MPP7: variants seen among roughly 807,000 people sequenced by gnomAD.
The protein encoded by MPP7 is MAGUK p55 scaffold protein 7.
MPP7 carries 60 observed loss-of-function variants against 76.5 expected under a neutral mutation model. That is an observed-to-expected ratio of 0.78 (90% CI 0.64 to 0.97). MPP7 has a LOEUF of 0.97. Ranked by LOEUF, MPP7 falls within the 50% of genes least tolerant of loss-of-function variation. The probability of loss-of-function intolerance (pLI) is 0.00; values close to 1 mark genes in which losing one functional copy is unlikely to be tolerated. For missense variants in MPP7, 641 were observed against 694.0 expected, an observed-to-expected ratio of 0.92 and a Z score of 0.86; for synonymous variants, 237 against 244.5, an observed-to-expected ratio of 0.97 and a Z score of 0.29.
chr10:28,283,166 CAAAGAAAGAAAGATT>C (rs1564756386), intron 1 of MPP7, among the ~76,000 whole-genome samples: 1 of 151,712 alleles, frequency 6.6e-6, no homozygotes, highest in African/African-American at 2.4e-5. Flanking sequence ...GTGAAGGAGC[CAAAGAAAGAAAGATT>C]AAAGATCCAT....
intron 3 of MPP7, among the ~76,000 whole-genome samples, chr10:28,174,332 C>T (rs1836788001): frequency 6.6e-6 from 1 of 152,148 alleles, no homozygotes; most frequent in Non-Finnish European, 1.5e-5. Context: ...GGACAGATCC[C>T]TCGTGAATGG....
At chr10:28,095,772 A>G (rs961380514) in intron 11 of MPP7, among the ~76,000 whole-genome samples, 5 of 152,326 alleles carry the variant, frequency 3.3e-5, no homozygotes, top group Non-Finnish European at 5.9e-5. Context: ...AAAGGGGTAC[A>G]TTAACAAGGA....
intron 5 of MPP7, among the ~76,000 whole-genome samples, chr10:28,144,996 G>A (rs985504533): frequency 6.6e-6 from 1 of 152,022 alleles, no homozygotes; most frequent in African/African-American, 2.4e-5. Flanking sequence ...GAAAGAATTG[G>A]CACACCTCCT....
chr10:28,200,604 A>T (rs1377600634), intron 3 of MPP7, among the ~76,000 whole-genome samples: 1 of 152,186 alleles, frequency 6.6e-6, no homozygotes, highest in Admixed American at 6.5e-5. Flanking sequence ...AATAACAACC[A>T]TCTCTGTAGT....
At chr10:28,107,009 T>G (rs1834347329) in intron 11 of MPP7, among the ~76,000 whole-genome samples, 1 of 152,206 alleles carries the variant, frequency 6.6e-6, no homozygotes, top group Non-Finnish European at 1.5e-5. Flanking sequence ...CATATTTTGT[T>G]CTTTGGACGA....
intron 15 of MPP7, among the ~76,000 whole-genome samples, chr10:28,056,940 C>A (rs1400501602): frequency 6.6e-6 from 1 of 152,156 alleles, no homozygotes; most frequent in Non-Finnish European, 1.5e-5. Flanking sequence ...TTTCTGTCCA[C>A]AAATGTCTTC....
rs545520159 is a variant in MPP7, at chr10:28,140,229, G to A, written c.315+7254C>T. Among the ~76,000 whole-genome samples, 5 of 152,318 alleles carry A rather than the reference G, an allele frequency of 3.3e-5. No individual in the cohort carries two copies. In the East Asian group the frequency reaches 9.6e-4, roughly 29 times the overall value. On this transcript the variant is annotated intron_variant, in intron 5 of 16. Transcript: ENST00000683449. ...AAGATAGATATAAAGAAAAAAATCA[G>A]ACCAGATGCGATGGCTACCGCCTAT...
chr10:28,205,956 G>A (rs1837937000), intron 2 of MPP7, among the ~76,000 whole-genome samples: 1 of 152,154 alleles, frequency 6.6e-6, no homozygotes, highest in Non-Finnish European at 1.5e-5. Context: ...ATATGAAGGT[G>A]AGTCAGTCTT....
intron 2 of MPP7, among the ~76,000 whole-genome samples, chr10:28,311,198 T>A (rs1841287658): frequency 6.6e-6 from 1 of 152,196 alleles, no homozygotes; most frequent in Non-Finnish European, 1.5e-5. Flanking sequence ...ATTATATTTA[T>A]TTTTTTCTAT....
At position 28,051,377 on chromosome 10, in the gene MPP7, T is replaced by C. The variant is rs1851353295; in HGVS notation, c.*2688A>G. 1 of 152,236 alleles carries C rather than the reference T, an allele frequency of 6.6e-6. No individual in the cohort carries two copies. The highest frequency in any genetic ancestry group is 1.9e-4 in the East Asian group (1 of 5,196). The allele number at this position is 152,236 out of a possible 1,614,324, so 9.4% of individuals were successfully genotyped here. The stretch of plus-strand genomic sequence containing the variant: ...TACACAATACCAGGAAGGTCAGCCT[T>C]AAAGATACCAAGAACTTCCATATTG... On this transcript the variant is annotated 3_prime_UTR_variant, in exon 17 of 17. Coordinates refer to ENST00000683449, the MANE Select transcript of MPP7 (RefSeq NM_001318170.2).
intron 1 of MPP7, among the ~76,000 whole-genome samples, chr10:28,262,243 ACATATATATATATATG>A (rs1840004000): frequency 4.6e-5 from 3 of 65,824 alleles, no homozygotes; most frequent in Admixed American, 2.0e-4. Flanking sequence ...ATATATATAT[ACATATATATATATATG>A]TATATATATA....
At chr10:28,328,018 G>A (rs1271019231) in intron 2 of MPP7, among the ~76,000 whole-genome samples, 2 of 152,144 alleles carry the variant, frequency 1.3e-5, no homozygotes, top group Admixed American at 1.3e-4. Context: ...CAGCAAAGAC[G>A]TTTTTGTCCT....
intron 2 of MPP7, among the ~76,000 whole-genome samples, chr10:28,213,191 T>C (rs1211047748): frequency 2.0e-5 from 3 of 152,086 alleles, no homozygotes; most frequent in Non-Finnish European, 2.9e-5. Context: ...CCTCCCACCA[T>C]AGCCTTCTGA....
At chr10:28,268,827 G>A (rs1433552356) in intron 1 of MPP7, among the ~76,000 whole-genome samples, 4 of 151,476 alleles carry the variant, frequency 2.6e-5, no homozygotes, top group Non-Finnish European at 5.9e-5. Flanking sequence ...GCTGAGGCAG[G>A]AGAATGGCAT....
chr10:28,328,432 A>G (rs1273459298), intron 2 of MPP7, among the ~76,000 whole-genome samples: 1 of 152,112 alleles, frequency 6.6e-6, no homozygotes, highest in Non-Finnish European at 1.5e-5. Flanking sequence ...TATAAGCCCT[A>G]GTTAAGTTTA....
chr10:28,059,964 C>T (rs925479110), intron 13 of MPP7, among the ~76,000 whole-genome samples: 19 of 151,832 alleles, frequency 1.3e-4, no homozygotes, highest in African/African-American at 4.1e-4. Context: ...AAGTTAATTG[C>T]ATTGTATGTC....
chr10:28,209,026 T>TA (rs1488047011), intron 2 of MPP7, among the ~76,000 whole-genome samples: 1 of 152,050 alleles, frequency 6.6e-6, no homozygotes, highest in Non-Finnish European at 1.5e-5. Flanking sequence ...CCTTTGCCCC[T>TA]ACTTTCACCA....
At chr10:28,259,707 A>G (rs1839890507) in intron 1 of MPP7, among the ~76,000 whole-genome samples, 3 of 151,976 alleles carry the variant, frequency 2.0e-5, no homozygotes. Context: ...GGGCAGGTGC[A>G]GTGGCTCATG....
intron 1 of MPP7, among the ~76,000 whole-genome samples, chr10:28,255,949 A>G (rs969575268): frequency 2.0e-5 from 3 of 152,114 alleles, no homozygotes; most frequent in Admixed American, 1.3e-4. Context: ...TACTTCCTTT[A>G]TACTTAGTGA....
Sources: allele counts gnomAD v4.1 joint callset (sites outside exome capture counted in the v4.1 genomes callset), GRCh38; gene constraint gnomAD v4.1.1; transcripts MANE v1.5; gene names NCBI Gene and HGNC (gene_info 2026-07-23, HGNC 2026-07-21).